Variants in HCK observed in about 807,000 individuals in gnomAD.
The protein encoded by HCK is tyrosine-protein kinase HCK.
HCK carries 40 observed loss-of-function variants against 70.4 expected under a neutral mutation model. The ratio of observed to expected loss-of-function variants is 0.57; its 90% CI spans 0.44 to 0.74. HCK has a LOEUF of 0.74. HCK is among the 30% of genes least tolerant of loss of function. HCK has a pLI of 0.00. For missense variants in HCK, 568 were observed against 697.2 expected (o/e 0.81, Z 2.09); for synonymous variants, 245 against 263.2 (o/e 0.93, Z 0.67).
At chr20:32,071,573 G>C in intron 1 of HCK, 89 bp from the exon 2 acceptor site, 1 of 1,543,924 alleles carries the variant, frequency 6.5e-7, no homozygotes, top group Non-Finnish European at 8.8e-7. Flanking sequence ...GCCAGCCCGG[G>C]GGCAGGGGAC....
chr20:32,083,865 T>G, intron 6 of HCK, 29 bp from the exon 7 acceptor site: 1 of 1,613,798 alleles, frequency 6.2e-7, no homozygotes, highest in Non-Finnish European at 8.5e-7. Flanking sequence ...AAGATGCCAT[T>G]CTGAGGGGTT....
At chr20:32,071,865 G>T (rs1322150362) in intron 2 of HCK, 83 bp downstream of exon 2, 3 of 1,524,814 alleles carry the variant, frequency 2.0e-6, no homozygotes, top group South Asian at 1.2e-5. Context: ...TCTTCCCAAG[G>T]TTGGGCAGGG....
chr20:32,089,607 C>G (rs1158745135), intron 10 of HCK, among the ~76,000 whole-genome samples: 2 of 152,198 alleles, frequency 1.3e-5, no homozygotes, highest in Non-Finnish European at 2.9e-5. Context: ...AAAAACACTG[C>G]TGAAAACCTA....
intron 1 of HCK, among the ~76,000 whole-genome samples, chr20:32,061,193 A>G (rs999846525): frequency 1.3e-5 from 2 of 152,190 alleles, no homozygotes; most frequent in Non-Finnish European, 2.9e-5. Flanking sequence ...CATGTTGGCC[A>G]GGCTGGTCTT....
intron 1 of HCK, among the ~76,000 whole-genome samples, chr20:32,071,207 C>T (rs928842560): frequency 1.3e-5 from 2 of 152,046 alleles, no homozygotes; most frequent in African/African-American, 4.8e-5. Context: ...TATTATTGTC[C>T]CCATTTTGCC....
At chr20:32,098,732 G>A (rs2045991027) in intron 11 of HCK, among the ~76,000 whole-genome samples, 1 of 152,168 alleles carries the variant, frequency 6.6e-6, no homozygotes, top group African/African-American at 2.4e-5. Context: ...CGGAGTTGCA[G>A]TTAACTGGGG....
In HCK at chr20:32,066,331, T is replaced by TTTTTTTTTTTTTTTTGA. The variant is rs60044994; in HGVS notation, c.63-5331_63-5330insTTTTTTTTTTTTTTTGA. Among the ~76,000 whole-genome samples the TTTTTTTTTTTTTTTTGA allele has an allele frequency of 7.0e-4, 57 of 81,910 alleles. 13 individuals are homozygous for TTTTTTTTTTTTTTTTGA. In the East Asian group the frequency reaches 7.2e-3, roughly 10 times the overall value. The allele number at this position is 81,910 out of a possible 152,430, so 53.7% of individuals were successfully genotyped here. A position where few individuals can be genotyped will look rare whatever the true frequency, so the allele number is the denominator to read the frequency against. On this transcript the variant is annotated intron_variant, in intron 1 of 12. Transcript: ENST00000375852. The stretch of plus-strand genomic sequence containing the variant: ...TTTTTTTTTTTTTTTTTTTTTTTTT[T>TTTTTTTTTTTTTTTTGA]GACAGAGTCTTGCTCTGTTTCCCAG...
intron 7 of HCK, 145 bp downstream of exon 7, chr20:32,084,188 A>C: frequency 9.3e-7 from 1 of 1,073,010 alleles, no homozygotes; most frequent in African/African-American, 1.6e-5. Context: ...CTGAAGGCTT[A>C]GGACTGTTGA....
At chr20:32,070,456 G>C (rs2045520248) in intron 1 of HCK, among the ~76,000 whole-genome samples, 1 of 152,120 alleles carries the variant, frequency 6.6e-6, no homozygotes, top group Non-Finnish European at 1.5e-5. Flanking sequence ...TTCTCTCTAA[G>C]CACATGCCAG....
At chr20:32,053,589 G>A (rs1362069772) in intron 1 of HCK, among the ~76,000 whole-genome samples, 1 of 136,852 alleles carries the variant, frequency 7.3e-6, no homozygotes, top group Non-Finnish European at 1.5e-5. Flanking sequence ...GGTGAGCCGA[G>A]ATCGCGCCAC....
At chr20:32,085,463 G>A (rs1023536331) in intron 8 of HCK, among the ~76,000 whole-genome samples, 7 of 152,072 alleles carry the variant, frequency 4.6e-5, no homozygotes, top group Middle Eastern at 3.2e-3. Context: ...GCAGGGAACC[G>A]AGATCGCACC....
intron 5 of HCK, among the ~76,000 whole-genome samples, chr20:32,075,705 T>TCCA (rs1364845276): frequency 1.3e-5 from 2 of 151,266 alleles, no homozygotes; most frequent in African/African-American, 4.9e-5. Flanking sequence ...CATCCATCCA[T>TCCA]TCATCCATCC....
At chr20:32,073,460 C>T (rs2045573701) in intron 3 of HCK, 99 bp downstream of exon 3, 1 of 1,096,842 alleles carries the variant, frequency 9.1e-7, no homozygotes, top group African/African-American at 1.6e-5. Flanking sequence ...ACAGTCAAAC[C>T]CCTGTCGAGA....
At chr20:32,077,760 G>A (rs242600) in intron 5 of HCK, among the ~76,000 whole-genome samples, 48,998 of 151,988 alleles carry the variant, frequency 0.32, 8,503 homozygotes, top group African/African-American at 0.43. Flanking sequence ...TCCTGAACTC[G>A]TGATCCTCCT....
At chr20:32,063,746 T>C (rs1390687586) in intron 1 of HCK, among the ~76,000 whole-genome samples, 2 of 151,934 alleles carry the variant, frequency 1.3e-5, no homozygotes, top group East Asian at 1.9e-4. Context: ...GAATTCCCTC[T>C]GCACTGGGCA....
At chr20:32,063,992 C>CTTT (rs58620860) in intron 1 of HCK, among the ~76,000 whole-genome samples, 9 of 54,210 alleles carry the variant, frequency 1.7e-4, no homozygotes, top group Non-Finnish European at 2.2e-4. Flanking sequence ...ATCTCTACTT[C>CTTT]TTTTTTTTTT....
At chr20:32,087,293 C>A (rs1440049847) in intron 9 of HCK, among the ~76,000 whole-genome samples, 1 of 151,562 alleles carries the variant, frequency 6.6e-6, no homozygotes, top group African/African-American at 2.4e-5. Flanking sequence ...ATTTTCAACC[C>A]CTGCCATTTT....
chr20:32,097,662 A>C (rs1200653469), intron 11 of HCK, among the ~76,000 whole-genome samples: 2 of 152,182 alleles, frequency 1.3e-5, no homozygotes, highest in Admixed American at 6.6e-5. Context: ...AACCAGAAGA[A>C]GATAAGCAGG....
intron 1 of HCK, among the ~76,000 whole-genome samples, chr20:32,053,324 G>C (rs2045210363): frequency 6.6e-6 from 1 of 151,942 alleles, no homozygotes; most frequent in Non-Finnish European, 1.5e-5. Flanking sequence ...TCCTTCACAG[G>C]GTTGTTTAGA....
Sources: allele counts gnomAD v4.1 joint callset (sites outside exome capture counted in the v4.1 genomes callset), GRCh38; gene constraint gnomAD v4.1.1; transcripts MANE v1.5; gene names NCBI Gene and HGNC (gene_info 2026-07-23, HGNC 2026-07-21).